TRIM9: variants seen among roughly 807,000 people sequenced by gnomAD.
TRIM9 encodes tripartite motif containing 9, also known as E3 ubiquitin-protein ligase TRIM9.
Under a neutral mutation model 78.3 loss-of-function variants are expected in TRIM9, and 26 were observed. The ratio of observed to expected loss-of-function variants is 0.33; its 90% CI spans 0.24 to 0.46. TRIM9 has a LOEUF of 0.46. TRIM9 is among the 20% of genes least tolerant of loss of function. TRIM9 has a pLI of 1.00. For missense variants in TRIM9, 787 were observed against 1,036.4 expected, an observed-to-expected ratio of 0.76 and a Z score of 3.30; for synonymous variants, 398 against 416.5, an observed-to-expected ratio of 0.96 and a Z score of 0.54.
At chr14:50,991,692 T>C (rs2053532397) in intron 7 of TRIM9, among the ~76,000 whole-genome samples, 1 of 152,182 alleles carries the variant, frequency 6.6e-6, no homozygotes, top group African/African-American at 2.4e-5. Context: ...TTCATAGCAT[T>C]TTCTGAAACA....
chr14:50,979,713 A>G (rs2051579165), intron 11 of TRIM9, among the ~76,000 whole-genome samples, 164 bp from the exon 12 acceptor site: 1 of 152,200 alleles, frequency 6.6e-6, no homozygotes, highest in Non-Finnish European at 1.5e-5. Context: ...TACCGCAGAT[A>G]TACTGTATAC....
At chr14:51,061,766 T>C (rs2061371864) in intron 1 of TRIM9, among the ~76,000 whole-genome samples, 1 of 152,232 alleles carries the variant, frequency 6.6e-6, no homozygotes, top group Non-Finnish European at 1.5e-5. Flanking sequence ...ACAATCCAGT[T>C]GTTTTAGCAG....
chr14:50,993,125 C>A (rs1286246161), intron 7 of TRIM9, among the ~76,000 whole-genome samples: 2 of 152,078 alleles, frequency 1.3e-5, no homozygotes, highest in East Asian at 3.9e-4. Context: ...AGAGATGTAG[C>A]TCTGATATTC....
At chr14:51,041,968 T>A (rs2059612407) in intron 1 of TRIM9, among the ~76,000 whole-genome samples, 1 of 152,206 alleles carries the variant, frequency 6.6e-6, no homozygotes, top group Admixed American at 6.5e-5. Flanking sequence ...CAGGGTTTTC[T>A]TCAGAACAAT....
intron 1 of TRIM9, among the ~76,000 whole-genome samples, chr14:51,043,995 T>C (rs568430197): frequency 2.6e-5 from 4 of 152,362 alleles, no homozygotes; most frequent in Non-Finnish European, 5.9e-5. Context: ...AAAGAGAATC[T>C]GATAGACTGG....
intron 1 of TRIM9, among the ~76,000 whole-genome samples, chr14:51,059,940 T>C (rs900859578): frequency 2.0e-5 from 3 of 152,206 alleles, no homozygotes; most frequent in Non-Finnish European, 4.4e-5. Flanking sequence ...TAAAACCAGG[T>C]TGCAAATAAC....
At chr14:51,007,658 A>T (rs2055997455) in intron 5 of TRIM9, among the ~76,000 whole-genome samples, 1 of 152,218 alleles carries the variant, frequency 6.6e-6, no homozygotes, top group Admixed American at 6.5e-5. Context: ...TATACGTAGA[A>T]CACTTTGGAG....
At chr14:50,978,480 G>A (rs921204571) in intron 12 of TRIM9, among the ~76,000 whole-genome samples, 2 of 152,124 alleles carry the variant, frequency 1.3e-5, no homozygotes, top group Non-Finnish European at 2.9e-5. Context: ...TCATGCCTTA[G>A]AAACTGTGCA....
chr14:50,988,844 C>T (rs2053098755), intron 7 of TRIM9, among the ~76,000 whole-genome samples: 1 of 152,186 alleles, frequency 6.6e-6, no homozygotes, highest in South Asian at 2.1e-4. Flanking sequence ...TACCACTTCA[C>T]ATTACCTTAG....
Position 51,081,480 on chromosome 14 carries a change from C to T in TRIM9, c.822+12638G>A, listed in dbSNP as rs546231914. Among the ~76,000 whole-genome samples the T allele has an allele frequency of 9.2e-5, 14 of 152,342 alleles. No homozygotes were observed. In the East Asian group the frequency reaches 2.7e-3, roughly 29 times the overall value. On this transcript the variant is annotated intron_variant, in intron 1 of 12. Coordinates refer to ENST00000684578, the MANE Select transcript of TRIM9 (RefSeq NM_001387360.1). ...AACATGGAGTTAGCATGTGACTCAA[C>T]AATTCCACTCCTAGGTATGTACTTC... is the stretch of plus-strand genomic sequence containing the variant.
chr14:51,025,447 A>G (rs2058130223), intron 1 of TRIM9, 87 bp from the exon 2 acceptor site: 10 of 795,530 alleles, frequency 1.3e-5, no homozygotes, highest in South Asian at 5.4e-5. Flanking sequence ...AGAGTCATCA[A>G]CCTCCTCAGA....
At chr14:51,047,106 T>G (rs1452672311) in intron 1 of TRIM9, among the ~76,000 whole-genome samples, 3 of 152,190 alleles carry the variant, frequency 2.0e-5, no homozygotes, top group Non-Finnish European at 2.9e-5. Flanking sequence ...TGACGGTATC[T>G]GCCTCTGCTT....
intron 2 of TRIM9, among the ~76,000 whole-genome samples, 196 bp downstream of exon 2, chr14:51,025,069 T>C (rs1340378932): frequency 1.3e-5 from 2 of 152,158 alleles, no homozygotes; most frequent in East Asian, 3.9e-4. Flanking sequence ...TTCCGGCTTG[T>C]TGGCAAAAAG....
chr14:50,975,356 A>C lies in TRIM9; in HGVS notation c.*1935T>G, dbSNP rs2139236701. On this transcript the variant is annotated 3_prime_UTR_variant, in exon 13 of 13. Transcript: ENST00000684578. ...TGCATCTGTAATTGCAATTCAGTGTAAACTACATGTTACAAGTCACTAGAA... is the reference window on the plus strand; with the variant it reads ...TGCATCTGTAATTGCAATTCAGTGTCAACTACATGTTACAAGTCACTAGAA... The C allele has an allele frequency of 6.5e-6, 1 of 152,810 alleles. No homozygotes were observed. 9.5% of individuals were successfully genotyped at this position (152,810 alleles called of 1,614,324 possible).
chr14:50,987,356 CAA>C (rs2052852716), intron 7 of TRIM9, among the ~76,000 whole-genome samples: 1 of 152,148 alleles, frequency 6.6e-6, no homozygotes, highest in Admixed American at 6.6e-5. Context: ...GAGCTCTGAA[CAA>C]GGGCATTGGC....
chr14:51,033,447 A>T (rs2058897842), intron 1 of TRIM9, among the ~76,000 whole-genome samples: 1 of 152,206 alleles, frequency 6.6e-6, no homozygotes, highest in Non-Finnish European at 1.5e-5. Context: ...AATCACGAAA[A>T]CACTTTTGTC....
At chr14:51,062,384 C>T (rs982923529) in intron 1 of TRIM9, among the ~76,000 whole-genome samples, 18 of 152,004 alleles carry the variant, frequency 1.2e-4, no homozygotes, top group African/African-American at 4.4e-4. Flanking sequence ...TATTGTATAC[C>T]AGAAACTGCA....
intron 3 of TRIM9, among the ~76,000 whole-genome samples, chr14:51,017,282 G>A (rs1596183747): frequency 1.3e-5 from 2 of 152,038 alleles, no homozygotes; most frequent in East Asian, 3.8e-4. Flanking sequence ...ACCCACACTG[G>A]CAAACTAATC....
At chr14:50,978,181 A>G (rs570782650) in intron 12 of TRIM9, among the ~76,000 whole-genome samples, 5 of 152,318 alleles carry the variant, frequency 3.3e-5, no homozygotes, top group African/African-American at 9.6e-5. Context: ...TTTGCAATCA[A>G]TGTTACTGCA....
Sources: allele counts gnomAD v4.1 joint callset (sites outside exome capture counted in the v4.1 genomes callset), GRCh38; gene constraint gnomAD v4.1.1; transcripts MANE v1.5; gene names NCBI Gene and HGNC (gene_info 2026-07-23, HGNC 2026-07-21).